DIAPH2: variants seen among roughly 807,000 people sequenced by gnomAD.
The protein encoded by DIAPH2 is protein diaphanous homolog 2.
A neutral mutation model predicts 92.7 loss-of-function variants in DIAPH2; 35 were observed. The observed-to-expected ratio is 0.38, with a 90% CI of 0.29 to 0.50. The LOEUF (loss-of-function observed/expected upper bound fraction) is 0.50. Among genes scored for constraint, DIAPH2 ranks in the 20% least tolerant of loss-of-function variants. The pLI is 0.94. For synonymous variants in DIAPH2, 301 were observed against 280.4 expected, an observed-to-expected ratio of 1.07 and a Z score of -0.73; for missense variants, 701 against 819.5, an observed-to-expected ratio of 0.86 and a Z score of 1.77.
chrX:96,935,320 A>G (rs2065649732), intron 10 of DIAPH2, among the ~76,000 whole-genome samples: 1 of 111,410 alleles, frequency 9.0e-6, no homozygotes, highest in Non-Finnish European at 1.9e-5. Flanking sequence ...TTTTGCTGGA[A>G]GGAAGTTTCA....
At chrX:96,857,491 T>A (rs1228433172) in intron 4 of DIAPH2, among the ~76,000 whole-genome samples, 3 of 112,675 alleles carry the variant, frequency 2.7e-5, no homozygotes, top group Non-Finnish European at 5.6e-5. Context: ...AGAAACAATC[T>A]GTTGAAATGT....
At chrX:96,748,479 C>G (rs931943835) in intron 3 of DIAPH2, among the ~76,000 whole-genome samples, 1 of 112,027 alleles carries the variant, frequency 8.9e-6, no homozygotes, top group African/African-American at 3.2e-5. Flanking sequence ...CCCAGTGTTA[C>G]TTCTGAATTA....
At chrX:97,579,735 T>C (rs2071425162) in intron 26 of DIAPH2, among the ~76,000 whole-genome samples, 1 of 110,479 alleles carries the variant, frequency 9.1e-6, no homozygotes, top group East Asian at 2.8e-4. Context: ...GGGGATGGCA[T>C]TGAATCTGTA....
intron 3 of DIAPH2, among the ~76,000 whole-genome samples, chrX:96,749,783 G>C (rs1307766922): frequency 9.0e-6 from 1 of 111,107 alleles, no homozygotes; most frequent in Non-Finnish European, 1.9e-5. Flanking sequence ...TTAATGTGTA[G>C]ACCCTCATCC....
intron 15 of DIAPH2, 53 bp downstream of exon 15, chrX:96,949,092 GA>G: frequency 1.2e-6 from 1 of 840,269 alleles, no homozygotes; most frequent in Non-Finnish European, 1.7e-6. Context: ...TTTGATGGTA[GA>G]AAATTATCTT....
intron 23 of DIAPH2, among the ~76,000 whole-genome samples, chrX:97,282,719 A>G (rs979670764): frequency 2.7e-5 from 3 of 111,844 alleles, no homozygotes; most frequent in African/African-American, 9.7e-5. Context: ...GATGACCTTT[A>G]TATTTTTGCT....
chrX:96,894,974 A>ATTTTTTTTTTTTTTTTTTTTTTTAT (rs2065333499), intron 5 of DIAPH2, among the ~76,000 whole-genome samples: 1 of 59,531 alleles, frequency 1.7e-5, no homozygotes, highest in Non-Finnish European at 3.1e-5. Context: ...GTTTTTCTTA[A>ATTTTTTTTTTTTTTTTTTTTTTTAT]TTTTTTTTTT....
intron 23 of DIAPH2, among the ~76,000 whole-genome samples, chrX:97,261,195 G>A (rs748733221): frequency 2.7e-5 from 3 of 112,386 alleles, no homozygotes; most frequent in Non-Finnish European, 5.6e-5. Context: ...AAGTGCACAC[G>A]TGTGTGTGTG....
intron 17 of DIAPH2, among the ~76,000 whole-genome samples, chrX:97,021,218 G>A (rs905357570): frequency 9.0e-6 from 1 of 110,533 alleles, no homozygotes; most frequent in East Asian, 2.8e-4. Flanking sequence ...TCCTTTTTGA[G>A]AGGGGATCAC....
At chrX:97,174,029 T>A (rs1380284848) in intron 22 of DIAPH2, among the ~76,000 whole-genome samples, 1 of 106,023 alleles carries the variant, frequency 9.4e-6, no homozygotes, top group African/African-American at 3.4e-5. Context: ...ATAATTTTTA[T>A]TATATAAAAT....
intron 26 of DIAPH2, among the ~76,000 whole-genome samples, chrX:97,545,732 T>C (rs1349394953): frequency 9.2e-6 from 1 of 108,830 alleles, no homozygotes; most frequent in Non-Finnish European, 1.9e-5. Context: ...GCTCATTAAA[T>C]CTTGATTTTC....
chrX:96,790,658 T>A (rs760932973), intron 4 of DIAPH2, among the ~76,000 whole-genome samples: 1 of 111,458 alleles, frequency 9.0e-6, no homozygotes, highest in South Asian at 3.8e-4. Context: ...AAAAATCCTA[T>A]GTATCTTAGA....
chrX:96,792,714 T>A (rs779858866), intron 4 of DIAPH2, among the ~76,000 whole-genome samples: 2 of 112,112 alleles, frequency 1.8e-5, no homozygotes, highest in South Asian at 7.4e-4. Context: ...ATATTCTTAT[T>A]AATTTGAATC....
intron 23 of DIAPH2, among the ~76,000 whole-genome samples, chrX:97,336,431 A>G (rs769689689): frequency 8.4e-4 from 89 of 106,183 alleles, no homozygotes; most frequent in African/African-American, 2.9e-3. Context: ...TTGTATTTTT[A>G]GTAGAGATGG....
intron 26 of DIAPH2, among the ~76,000 whole-genome samples, chrX:97,430,133 G>GA (rs1213919445): frequency 2.7e-5 from 3 of 112,131 alleles, no homozygotes; most frequent in Non-Finnish European, 3.8e-5. Context: ...AGGAAACTGA[G>GA]ACAATGCTTG....
At chrX:97,044,579 T>C (rs1216374193) in intron 17 of DIAPH2, among the ~76,000 whole-genome samples, 1 of 111,478 alleles carries the variant, frequency 9.0e-6, no homozygotes, top group Non-Finnish European at 1.9e-5. Flanking sequence ...TCCCTGTACC[T>C]ATGGAAGAGC....
At chrX:96,709,628 G>C (rs1308493950) in intron 1 of DIAPH2, among the ~76,000 whole-genome samples, 1 of 111,796 alleles carries the variant, frequency 8.9e-6, no homozygotes, top group Non-Finnish European at 1.9e-5. Context: ...TTAAAATGTT[G>C]AAGGTAATGT....
At chrX:97,154,376 A>G (rs1480956573) in intron 22 of DIAPH2, among the ~76,000 whole-genome samples, 1 of 112,021 alleles carries the variant, frequency 8.9e-6, no homozygotes, top group Non-Finnish European at 1.9e-5. Flanking sequence ...GATATAAAAT[A>G]TGAAAATTTT....
chrX:97,060,560 A>G (rs2066590419), intron 17 of DIAPH2, among the ~76,000 whole-genome samples: 1 of 111,652 alleles, frequency 9.0e-6, no homozygotes, highest in South Asian at 3.8e-4. Context: ...TCCACCGTAC[A>G]TTTGAGTTTT....
Sources: allele counts gnomAD v4.1 joint callset (sites outside exome capture counted in the v4.1 genomes callset), GRCh38; gene constraint gnomAD v4.1.1; transcripts MANE v1.5; gene names NCBI Gene and HGNC (gene_info 2026-07-23, HGNC 2026-07-21).